Variants in LDLRAD4 observed in about 807,000 individuals in gnomAD.
The protein encoded by LDLRAD4 is low density lipoprotein receptor class A domain containing 4.
In LDLRAD4, 5 loss-of-function variants were observed where a neutral mutation model predicts 17.0. That is an observed-to-expected ratio of 0.29 (90% CI 0.15 to 0.62). The LOEUF is 0.62. LDLRAD4 is among the 20% of genes least tolerant of loss of function. The probability of loss-of-function intolerance (pLI) is 0.84; values close to 1 mark genes in which losing one functional copy is unlikely to be tolerated. For missense variants in LDLRAD4, 340 were observed against 424.7 expected, an observed-to-expected ratio of 0.80 and a Z score of 1.75; for synonymous variants, 168 against 171.8, an observed-to-expected ratio of 0.98 and a Z score of 0.17.
At chr18:13,302,901 A>G (rs892187563) in intron 1 of LDLRAD4, among the ~76,000 whole-genome samples, 3 of 152,260 alleles carry the variant, frequency 2.0e-5, no homozygotes, top group Non-Finnish European at 4.4e-5. Context: ...GTTATGTTAC[A>G]TGCAGTTACT....
intron 3 of LDLRAD4, among the ~76,000 whole-genome samples, chr18:13,459,423 G>A (rs969720757): frequency 1.2e-4 from 18 of 149,586 alleles, no homozygotes; most frequent in Admixed American, 6.7e-5. Flanking sequence ...TTACTCTGTC[G>A]CCCAGGCTGG....
At chr18:13,455,157 G>A (rs975176451) in intron 3 of LDLRAD4, among the ~76,000 whole-genome samples, 1 of 152,160 alleles carries the variant, frequency 6.6e-6, no homozygotes. Context: ...CCAGGACCAG[G>A]GATGTTCCTC....
upstream of LDLRAD4, among the ~76,000 whole-genome samples, chr18:13,273,909 C>T (rs1253811332): frequency 6.6e-6 from 1 of 152,152 alleles, no homozygotes; most frequent in Non-Finnish European, 1.5e-5. Context: ...CCATGGCTCA[C>T]AGCTGTGTCT....
intron 3 of LDLRAD4, chr18:13,515,195 CA>C (rs1555723556): frequency 6.6e-6 from 1 of 152,224 alleles, no homozygotes; most frequent in Non-Finnish European, 1.5e-5. Context: ...TCCTTGTGCA[CA>C]ACACTGGCGT....
intron 3 of LDLRAD4, among the ~76,000 whole-genome samples, chr18:13,506,409 G>C (rs1027811537): frequency 1.3e-4 from 16 of 126,206 alleles, no homozygotes; most frequent in Non-Finnish European, 2.2e-4. Context: ...CTCCGTTTAC[G>C]GTAGGCTTGA....
intron 3 of LDLRAD4, among the ~76,000 whole-genome samples, chr18:13,447,734 C>A (rs1300430013): frequency 2.6e-5 from 4 of 152,114 alleles, no homozygotes; most frequent in African/African-American, 4.8e-5. Flanking sequence ...TCCTGCTTCG[C>A]AAAGGGAAAG....
At position 13,621,086 on chromosome 18, in the gene LDLRAD4, G is replaced by C. The variant is rs376779198; in HGVS notation, c.182-31G>C. On this transcript the variant is annotated intron_variant, in intron 3 of 5. Coordinates refer to ENST00000359446, the Ensembl canonical transcript of LDLRAD4. This position sits in a 1 kb window ranked among gnomAD's most constrained non-coding sequence, Gnocchi z 5.5. ...GAATGGGTGGGGACTGGAGGGGCCAGGTGGCTAACCACTCTCCTCTTCCAT... is the reference window on the plus strand; with the variant it reads ...GAATGGGTGGGGACTGGAGGGGCCACGTGGCTAACCACTCTCCTCTTCCAT... The C allele has an allele frequency of 4.3e-6, 7 of 1,613,920 alleles. No individual in the cohort carries two copies. In the African/African-American group the frequency reaches 9.3e-5, roughly 22 times the overall value.
chr18:13,613,816 T>A (rs2039831647), intron 3 of LDLRAD4: 1 of 152,272 alleles, frequency 6.6e-6, no homozygotes, highest in Admixed American at 6.5e-5. Flanking sequence ...TGGGCCGGTA[T>A]CAGGTAGCCG....
At chr18:13,287,539 T>C (rs1476765575) in intron 1 of LDLRAD4, among the ~76,000 whole-genome samples, 1 of 152,182 alleles carries the variant, frequency 6.6e-6, no homozygotes, top group African/African-American at 2.4e-5. Flanking sequence ...GGACATCCTC[T>C]GGATAAGTAA....
At chr18:13,311,289 A>G (rs917984374) in intron 1 of LDLRAD4, among the ~76,000 whole-genome samples, 2 of 152,204 alleles carry the variant, frequency 1.3e-5, no homozygotes, top group African/African-American at 4.8e-5. Flanking sequence ...TCAGGGGTGG[A>G]TGGTGGGTGC....
At chr18:13,432,355 C>A (rs1365202007) in intron 2 of LDLRAD4, among the ~76,000 whole-genome samples, 1 of 152,244 alleles carries the variant, frequency 6.6e-6, no homozygotes, top group Non-Finnish European at 1.5e-5. Flanking sequence ...ATATTTCAAC[C>A]TCCCTGAAGG....
intron 1 of LDLRAD4, among the ~76,000 whole-genome samples, chr18:13,303,460 G>A (rs1010979526): frequency 7.3e-5 from 11 of 151,248 alleles, no homozygotes; most frequent in Non-Finnish European, 1.3e-4. Context: ...CTCTCTCCCC[G>A]TTTCCTTCCC....
At chr18:13,535,243 A>C (rs1368358793) in intron 3 of LDLRAD4, among the ~76,000 whole-genome samples, 1 of 152,228 alleles carries the variant, frequency 6.6e-6, no homozygotes, top group Non-Finnish European at 1.5e-5. Context: ...GGGTAACGCT[A>C]TACTGGTTTT....
intron 3 of LDLRAD4, among the ~76,000 whole-genome samples, chr18:13,619,213 T>TA (rs2040360155): frequency 1.3e-5 from 2 of 151,960 alleles, no homozygotes. Context: ...AGACGTCACA[T>TA]GGTGTGTGGG....
At chr18:13,383,378 A>G (rs1220635540) in intron 1 of LDLRAD4, among the ~76,000 whole-genome samples, 1 of 152,158 alleles carries the variant, frequency 6.6e-6, no homozygotes, top group Non-Finnish European at 1.5e-5. Flanking sequence ...TGGAGTCGCA[A>G]CTGCAGATGT....
chr18:13,498,227 T>C (rs2093517676), intron 3 of LDLRAD4, among the ~76,000 whole-genome samples: 2 of 148,746 alleles, frequency 1.3e-5, no homozygotes. Flanking sequence ...GGAGAATCCT[T>C]CTCCACACAC....
intron 1 of LDLRAD4, among the ~76,000 whole-genome samples, chr18:13,323,477 C>A (rs2081360011): frequency 6.6e-6 from 1 of 152,192 alleles, no homozygotes; most frequent in Non-Finnish European, 1.5e-5. Flanking sequence ...TGTTCACATT[C>A]TTTGCTCTTT....
At chr18:13,220,018 A>G (rs1043631289) in intron 1 of LDLRAD4, among the ~76,000 whole-genome samples, 1 of 152,244 alleles carries the variant, frequency 6.6e-6, no homozygotes, top group Non-Finnish European at 1.5e-5. Flanking sequence ...GAGTCATTAC[A>G]TAGACAAATG....
intron 2 of LDLRAD4, among the ~76,000 whole-genome samples, chr18:13,404,655 G>A (rs1262457964): frequency 2.6e-5 from 4 of 151,952 alleles, no homozygotes; most frequent in East Asian, 3.9e-4. Context: ...AAAATTAGCC[G>A]GGTGTAGTGG....
Sources: gnomAD v4.1 joint callset for allele counts (sites outside exome capture counted in the v4.1 genomes callset) on GRCh38, gnomAD v4.1.1 for gene constraint, Gnocchi (gnomAD v3.1) non-coding constraint, MANE v1.5 for transcripts, NCBI Gene and HGNC (gene_info 2026-07-23, HGNC 2026-07-21) for gene names.